OTUD7B: variants seen among roughly 807,000 people sequenced by gnomAD.
OTUD7B encodes OTU deubiquitinase 7B.
Under a neutral mutation model 82.2 loss-of-function variants are expected in OTUD7B, and 34 were observed. That is an observed-to-expected ratio of 0.41 (90% CI 0.31 to 0.55). The LOEUF is 0.55. OTUD7B is among the 20% of genes least tolerant of loss of function. The pLI is 0.20. For missense variants in OTUD7B, 944 were observed against 1,062.1 expected, an observed-to-expected ratio of 0.89 and a Z score of 1.55; for synonymous variants, 398 against 402.7, an observed-to-expected ratio of 0.99 and a Z score of 0.14.
the OTUD7B span, chr1:150,054,323 G>A: frequency 2.0e-6 from 1 of 507,620 alleles, no homozygotes; most frequent in Non-Finnish European, 3.9e-6. Context: ...CATCCTCACT[G>A]AAAGCCACAG....
At chr1:150,054,259 C>T in the OTUD7B span, 1 of 459,692 alleles carries the variant, frequency 2.2e-6, no homozygotes, top group East Asian at 6.1e-5. Flanking sequence ...AAAAACCCTT[C>T]AGTCAGCACA....
intron 1 of OTUD7B, among the ~76,000 whole-genome samples, chr1:149,983,049 G>T (rs1459755832): frequency 1.3e-5 from 2 of 151,812 alleles, no homozygotes; most frequent in Non-Finnish European, 1.5e-5. Context: ...TAGAGAGGGG[G>T]TTTCACCGTG....
chr1:150,042,165 TCCTTCCTCCCTC>T, the OTUD7B span, among the ~76,000 whole-genome samples: 2,426 of 120,192 alleles, frequency 0.02, 84 homozygotes, highest in African/African-American at 0.07. Context: ...CTTCCTTCCT[TCCTTCCTCCCTC>T]CCTTCCTCCC....
chr1:149,991,165 T>C (rs981115562), intron 1 of OTUD7B, among the ~76,000 whole-genome samples: 1 of 152,090 alleles, frequency 6.6e-6, no homozygotes, highest in East Asian at 1.9e-4. Flanking sequence ...TATTTTGTTT[T>C]TTAAAATAAT....
the OTUD7B span, among the ~76,000 whole-genome samples, chr1:150,035,144 C>CA: frequency 0.87 from 127,091 of 146,862 alleles, 55,115 homozygotes; most frequent in East Asian, 1. Context: ...AACTTCATCT[C>CA]AAAAAAAAAA....
At chr1:150,018,278 C>T in the OTUD7B span, among the ~76,000 whole-genome samples, 2 of 152,140 alleles carry the variant, frequency 1.3e-5, no homozygotes, top group Non-Finnish European at 2.9e-5. Context: ...AAAAATAAAA[C>T]ACTGCCTATA....
chr1:150,028,439 T>C, the OTUD7B span, among the ~76,000 whole-genome samples: 3 of 152,194 alleles, frequency 2.0e-5, no homozygotes, highest in Admixed American at 2.0e-4. Flanking sequence ...ATACACATAA[T>C]ACAAATGTAC....
upstream of OTUD7B, among the ~76,000 whole-genome samples, chr1:150,012,873 G>T (rs1173767807): frequency 6.6e-6 from 1 of 152,132 alleles, no homozygotes; most frequent in East Asian, 1.9e-4. Context: ...GTAGCAGTGT[G>T]GTCAGCTGGG....
chr1:150,032,385 T>C, the OTUD7B span, among the ~76,000 whole-genome samples: 1 of 145,908 alleles, frequency 6.9e-6, no homozygotes, highest in Non-Finnish European at 1.5e-5. Flanking sequence ...TCCAGCACTT[T>C]TGGCGGCTAA....
chr1:150,013,697 C>A (rs1315745039), upstream of OTUD7B, among the ~76,000 whole-genome samples: 5 of 150,108 alleles, frequency 3.3e-5, no homozygotes, highest in African/African-American at 1.2e-4. Flanking sequence ...CTGAGGCAGG[C>A]GGATCATGAG....
At chr1:150,049,144 G>C in the OTUD7B span, among the ~76,000 whole-genome samples, 2 of 152,066 alleles carry the variant, frequency 1.3e-5, no homozygotes, top group Non-Finnish European at 2.9e-5. Flanking sequence ...CGTCTACTTA[G>C]AGGTCTAGTA....
the OTUD7B span, among the ~76,000 whole-genome samples, chr1:150,026,481 A>G: frequency 0.012 from 1,786 of 152,300 alleles, 38 homozygotes; most frequent in African/African-American, 0.041. Flanking sequence ...ACAGTATCCC[A>G]CTTCCCTGAT....
Position 149,944,914 on chromosome 1 carries a change from C to T in OTUD7B, c.1475G>A (p.Arg492Gln), listed in dbSNP as rs781908531. 9 of 1,614,146 alleles carry T rather than the reference C, an allele frequency of 5.6e-6. No individual in the cohort carries two copies. The highest frequency in any genetic ancestry group is 5.9e-6 in the Non-Finnish European group (7 of 1,180,024). Residue 492 changes from arginine to glutamine, a missense_variant, in exon 12 of 12, where the codon CGG becomes CAG. Transcript: ENST00000581312. Reference sequence around the variant, plus strand: ...ATCTGCTCTCTTCTTGTCCTTCTCCCGATCTCGCTTTGACTTCTCCTTCCG... The same window carrying T: ...ATCTGCTCTCTTCTTGTCCTTCTCCTGATCTCGCTTTGACTTCTCCTTCCG... ...GRRKEKSKRD[R>Q]EKDKKRADSV...
At chr1:150,061,998 G>T in the OTUD7B span, among the ~76,000 whole-genome samples, 1 of 152,278 alleles carries the variant, frequency 6.6e-6, no homozygotes, top group African/African-American at 2.4e-5. Context: ...CAGCTGCCCA[G>T]AACCATATTT....
chr1:150,067,586 T>A, the OTUD7B span: 21 of 459,744 alleles, frequency 4.6e-5, no homozygotes, highest in Non-Finnish European at 8.1e-5. Flanking sequence ...AGTCCGGGCC[T>A]CAGGCATCTT....
chr1:150,031,950 C>CTTTAA, the OTUD7B span, among the ~76,000 whole-genome samples: 3 of 152,176 alleles, frequency 2.0e-5, no homozygotes, highest in African/African-American at 7.2e-5. Flanking sequence ...ACTATAAACA[C>CTTTAA]ACATACTTTA....
chr1:150,026,703 A>T, the OTUD7B span, among the ~76,000 whole-genome samples: 3 of 152,330 alleles, frequency 2.0e-5, no homozygotes, highest in South Asian at 6.2e-4. Context: ...CGGTGACAGC[A>T]ACTTAAAAGA....
chr1:150,016,484 C>A, the OTUD7B span, among the ~76,000 whole-genome samples: 2 of 139,776 alleles, frequency 1.4e-5, no homozygotes, highest in Non-Finnish European at 3.0e-5. Flanking sequence ...GACAGAGTCT[C>A]GCTTTTGTCG....
At chr1:149,979,873 A>G (rs2044891) in intron 1 of OTUD7B, among the ~76,000 whole-genome samples, 18,036 of 152,148 alleles carry the variant, frequency 0.12, 1,663 homozygotes, top group African/African-American at 0.26. Context: ...ACTTATACAC[A>G]TGAATAATCC....
Sources: allele counts gnomAD v4.1 joint callset (sites outside exome capture counted in the v4.1 genomes callset), GRCh38; gene constraint gnomAD v4.1.1; transcripts MANE v1.5; gene names NCBI Gene and HGNC (gene_info 2026-07-23, HGNC 2026-07-21).